DZIP1: variants seen among roughly 807,000 people sequenced by gnomAD.
The protein encoded by DZIP1 is DAZ interacting zinc finger protein 1.
Under a neutral mutation model 107.6 loss-of-function variants are expected in DZIP1, and 97 were observed. The ratio of observed to expected loss-of-function variants is 0.90; its 90% confidence interval spans 0.77 to 1.07. The LOEUF is 1.07. Ranked by LOEUF, DZIP1 falls within the 50% of genes least tolerant of loss-of-function variation. DZIP1 has a pLI of 0.00. For synonymous variants in DZIP1, 390 were observed against 386.4 expected (o/e 1.01, Z -0.11); for missense variants, 1,035 against 1,063.6 (o/e 0.97, Z 0.37).
intron 9 of DZIP1, 56 bp downstream of exon 9, chr13:95,622,287 T>C (rs1382251911): frequency 1.6e-5 from 26 of 1,610,218 alleles, no homozygotes; most frequent in Non-Finnish European, 2.1e-5. Flanking sequence ...CACTGTAAAT[T>C]ACTTCACTAA....
chr13:95,591,793 TA>T (rs1427115850), intron 16 of DZIP1, among the ~76,000 whole-genome samples: 2 of 152,194 alleles, frequency 1.3e-5, no homozygotes, highest in Non-Finnish European at 2.9e-5. Flanking sequence ...ATACAAAATT[TA>T]AAACAATTTC....
intron 10 of DZIP1, among the ~76,000 whole-genome samples, chr13:95,616,744 G>A (rs1160318067): frequency 6.6e-6 from 1 of 152,112 alleles, no homozygotes; most frequent in African/African-American, 2.4e-5. Context: ...CCCCCTGTGT[G>A]ATGCTGTCCC....
intron 12 of DZIP1, 73 bp downstream of exon 12, chr13:95,611,372 C>T: frequency 2.5e-6 from 3 of 1,182,964 alleles, no homozygotes; most frequent in East Asian, 4.7e-5. Flanking sequence ...CAAGTGGGGC[C>T]CACATTCTTC....
intron 19 of DZIP1, among the ~76,000 whole-genome samples, chr13:95,588,573 G>A (rs2044226060): frequency 6.6e-6 from 1 of 152,106 alleles, no homozygotes; most frequent in South Asian, 2.1e-4. Context: ...ACTATCTCGT[G>A]AAAAAGGCAG....
chr13:95,623,115 TTAAGC>T (rs1165078822), intron 8 of DZIP1, among the ~76,000 whole-genome samples: 1 of 152,156 alleles, frequency 6.6e-6, no homozygotes, highest in Non-Finnish European at 1.5e-5. Flanking sequence ...CACCTGGTTC[TTAAGC>T]TAGTTTAGTG....
chr13:95,634,640 C>T (rs1188442629), intron 5 of DZIP1, among the ~76,000 whole-genome samples: 1 of 152,072 alleles, frequency 6.6e-6, no homozygotes, highest in Admixed American at 6.6e-5. Context: ...ATATACTCAC[C>T]CCTGGATTAC....
intron 8 of DZIP1, among the ~76,000 whole-genome samples, chr13:95,624,304 G>C (rs1459184885): frequency 3.3e-5 from 5 of 152,152 alleles, no homozygotes; most frequent in Non-Finnish European, 5.9e-5. Flanking sequence ...GTATGGACCA[G>C]GGCTGTTCCC....
chr13:95,584,168 C>G (rs987846301), intron 22 of DZIP1, among the ~76,000 whole-genome samples: 4 of 151,304 alleles, frequency 2.6e-5, no homozygotes, highest in Non-Finnish European at 5.9e-5. Context: ...GCAGAGACAG[C>G]GTTTCACCAT....
chr13:95,599,304 G>A lies in DZIP1; in HGVS notation c.1537+61C>T, dbSNP rs888773150. 3.5e-6 allele frequency: 5 copies of A among 1,432,574 alleles called. No homozygotes were observed. The African/African-American group carries it at 7.1e-5, about 20-fold the overall frequency. 88.7% of individuals were successfully genotyped at this position (1,432,574 alleles called of 1,614,324 possible). ...AAAACCACTGGCTCATATTTTCCAG[G>A]CCTAGATTTTGGCATATAAATATAA... On this transcript the variant is annotated intron_variant, in intron 15 of 22. Coordinates refer to ENST00000376829, the MANE Select transcript of DZIP1 (RefSeq NM_198968.4).
intron 15 of DZIP1, among the ~76,000 whole-genome samples, chr13:95,597,476 T>C (rs2044489543): frequency 6.6e-6 from 1 of 152,226 alleles, no homozygotes; most frequent in African/African-American, 2.4e-5. Flanking sequence ...GGGTAAGATT[T>C]GTTCTTCCGT....
At chr13:95,626,828 G>A (rs1212365646) in intron 7 of DZIP1, among the ~76,000 whole-genome samples, 1 of 152,126 alleles carries the variant, frequency 6.6e-6, no homozygotes, top group Non-Finnish European at 1.5e-5. Context: ...AGGTGAAAAA[G>A]ACTTGTACAC....
intron 3 of DZIP1, 47 bp from the exon 4 acceptor site, chr13:95,642,288 C>G (rs1340593779): frequency 3.3e-5 from 14 of 430,108 alleles, no homozygotes; most frequent in Non-Finnish European, 5.7e-5. Context: ...GTGGACACAG[C>G]CGTTCACCCG....
At chr13:95,604,435 A>C (rs2044712572) in intron 14 of DZIP1, among the ~76,000 whole-genome samples, 1 of 152,134 alleles carries the variant, frequency 6.6e-6, no homozygotes, top group South Asian at 2.1e-4. Flanking sequence ...GCTCACAAAT[A>C]AGCTTTGATC....
chr13:95,594,122 A>G (rs2044381683), intron 15 of DZIP1, 36 bp from the exon 16 acceptor site: 1 of 1,530,168 alleles, frequency 6.5e-7, no homozygotes, highest in Non-Finnish European at 8.9e-7. Flanking sequence ...TAAAAAAAGA[A>G]TTAAGCAAAT....
At chr13:95,616,336 C>A (rs1875064489) in intron 10 of DZIP1, among the ~76,000 whole-genome samples, 1 of 152,196 alleles carries the variant, frequency 6.6e-6, no homozygotes, top group Non-Finnish European at 1.5e-5. Context: ...CTCTTCTGAA[C>A]CCTACAATCA....
intron 15 of DZIP1, among the ~76,000 whole-genome samples, 191 bp downstream of exon 15, chr13:95,599,174 A>G (rs2044542426): frequency 6.6e-6 from 1 of 152,180 alleles, no homozygotes; most frequent in African/African-American, 2.4e-5. Context: ...AAAGCAGGGG[A>G]AAACAGAACA....
chr13:95,593,965 C>A lies in DZIP1; in HGVS notation c.1659G>T (p.Leu553=). The A allele has an allele frequency of 6.2e-7, 1 of 1,608,566 alleles. No individual in the cohort carries two copies. The highest frequency in any genetic ancestry group is 8.5e-7 in the Non-Finnish European group (1 of 1,178,162). ...TMVEQNLMEK[L]ETLGINADIR... The stretch of plus-strand genomic sequence containing the variant: ...ATACTGCATTAATCCCCAAGGTTTC[C>A]AGTTTCTCCATCAAGTTCTGCTCCA... The change falls in exon 16 of 23, where the codon CTG becomes CTT. Residue 553 remains leucine (L), a synonymous_variant. Transcript: ENST00000376829.
intron 15 of DZIP1, among the ~76,000 whole-genome samples, chr13:95,595,223 AT>A (rs2044413736): frequency 6.6e-6 from 1 of 152,206 alleles, no homozygotes; most frequent in South Asian, 2.1e-4. Context: ...TACTACTTGG[AT>A]TTGCAGGAGA....
chr13:95,630,823 T>C, intron 6 of DZIP1: 1 of 1,042,912 alleles, frequency 9.6e-7, no homozygotes, highest in Non-Finnish European at 1.3e-6. Context: ...CCTGAAGAAA[T>C]AATACTCGTT....
Sources: gnomAD v4.1 joint callset for allele counts (sites outside exome capture counted in the v4.1 genomes callset) on GRCh38, gnomAD v4.1.1 for gene constraint, MANE v1.5 for transcripts, NCBI Gene and HGNC (gene_info 2026-07-23, HGNC 2026-07-21) for gene names.